Variants in SHC1 observed in about 807,000 individuals in gnomAD.
SHC1 encodes SHC adaptor protein 1, also known as SHC-transforming protein 1.
A neutral mutation model predicts 55.9 loss-of-function variants in SHC1; 30 were observed. That is an observed-to-expected ratio of 0.54 (90% CI 0.40 to 0.73). The LOEUF (loss-of-function observed/expected upper bound fraction) is 0.73, where lower values mean the gene tolerates loss of function less well. Ranked by LOEUF, SHC1 falls within the 30% of genes least tolerant of loss-of-function variation. The pLI is 0.00. For missense variants in SHC1, 675 were observed against 777.1 expected (o/e 0.87, Z 1.56); for synonymous variants, 309 against 306.1 (o/e 1.01, Z -0.10).
intron 11 of SHC1, among the ~76,000 whole-genome samples, chr1:154,965,021 G>A (rs1268950807): frequency 2.0e-5 from 3 of 152,056 alleles, no homozygotes; most frequent in South Asian, 4.1e-4. Context: ...ATTTGAGGAC[G>A]GGCCAGGACT....
intron 2 of SHC1, 100 bp from the exon 3 acceptor site, chr1:154,968,934 C>T: frequency 1.0e-6 from 1 of 991,806 alleles, no homozygotes; most frequent in South Asian, 1.3e-5. Context: ...AGGCCAGACT[C>T]CCAGGGCACT....
intron 11 of SHC1, chr1:154,964,187 C>G (rs1179061854): frequency 1.7e-6 from 1 of 582,166 alleles, no homozygotes; most frequent in Non-Finnish European, 3.4e-6. Flanking sequence ...GCTATATACC[C>G]CTTTCTTGAC....
chr1:154,967,843 G>A (rs777349359), intron 6 of SHC1, 46 bp from the exon 7 acceptor site: 2 of 1,610,362 alleles, frequency 1.2e-6, no homozygotes, highest in East Asian at 2.2e-5. Flanking sequence ...CCACTGGGAG[G>A]AGGCACAGAC....
At chr1:154,969,996 G>A (rs1012656158) in intron 1 of SHC1, 36 bp downstream of exon 1, 1 of 1,610,060 alleles carries the variant, frequency 6.2e-7, no homozygotes, top group South Asian at 1.1e-5. Flanking sequence ...ACTGGAGGGG[G>A]TCTGCGGGGG....
At chr1:154,964,048 G>A (rs762749546) in intron 11 of SHC1, 117 bp from the exon 12 acceptor site, 1 of 1,065,222 alleles carries the variant, frequency 9.4e-7, no homozygotes, top group Admixed American at 1.7e-5. Flanking sequence ...AAAAAATGGT[G>A]GGGGAGAGTG....
rs115641580 is a variant in SHC1 at position 154,970,435 on chromosome 1, G to A, written c.92C>T (p.Pro31Leu). Residue 31 changes from proline (P) to leucine (L), a missense_variant, in exon 1 of 12, where the codon CCG becomes CTG. Physicochemically the swap from Pro to Leu is moderately conservative, Grantham distance 98 (BLOSUM62 -3). This residue lies in a region of SHC1 where 156 missense variants were observed against 159.1 expected (regional missense o/e 0.98). Transcript: ENST00000448116. This position sits in a 1 kb window ranked among gnomAD's most constrained non-coding sequence, Gnocchi z 5.5. ...LEEGASGSTP[P>L]EELPSPSASS... The stretch of plus-strand genomic sequence containing the variant: ...AGCTGATGGGGAAGGCAGCTCCTCC[G>A]GGGGGGTGGACCCAGAAGCCCCTTC... 3,478 of 1,604,852 alleles carry A rather than the reference G, an allele frequency of 2.2e-3. 5 individuals carry two copies. Among genetic ancestry groups the A allele is most frequent in the Non-Finnish European group, 2.6e-3 (3,088 of 1,175,774 alleles).
intron 4 of SHC1, 25 bp from the exon 5 acceptor site, chr1:154,968,282 G>C (rs1377571433): frequency 4.3e-6 from 7 of 1,612,588 alleles, no homozygotes; most frequent in Non-Finnish European, 5.9e-6. Context: ...AGGGGATGAA[G>C]AAGGAAGGGA....
At position 154,965,750 on chromosome 1, in the gene SHC1, T is replaced by C; in HGVS notation, c.1419A>G (p.Pro473=). 1 of 1,612,650 alleles carries C rather than the reference T, an allele frequency of 6.2e-7. No individual in the cohort carries two copies. Among genetic ancestry groups the C allele is most frequent in the Non-Finnish European group, 8.5e-7 (1 of 1,179,524 alleles). ...KPFEDALRVP[P]PPQSVSMAEQ... ...CAGCCATGGACACCGACTGGGGAGG[T>C]GGAGGCACGCGAAGAGCATCTTCGA... is the stretch of plus-strand genomic sequence containing the variant. Residue 473 remains proline, a synonymous_variant, in exon 11 of 12, where the codon CCA becomes CCG. Transcript: ENST00000448116.
chr1:154,974,069 G>A (rs546189651), upstream of SHC1, among the ~76,000 whole-genome samples: 67 of 152,072 alleles, frequency 4.4e-4, no homozygotes, highest in African/African-American at 1.2e-3. Flanking sequence ...TGGGGTCGGA[G>A]ACAAAAAATA....
Position 154,963,688 on chromosome 1 carries a change from C to A in SHC1, c.*115G>T. 8.9e-7 allele frequency: 1 copy of A among 1,128,372 alleles called. No homozygotes were observed. Among genetic ancestry groups the A allele is most frequent in the South Asian group, 1.4e-5 (1 of 69,000 alleles). The allele number at this position is 1,128,372 out of a possible 1,614,324, so 69.9% of individuals were successfully genotyped here. A position where few individuals can be genotyped will look rare whatever the true frequency, so the allele number is the denominator to read the frequency against. On this transcript the variant is annotated 3_prime_UTR_variant, in exon 12 of 12. Coordinates refer to ENST00000448116, the MANE Select transcript of SHC1 (RefSeq NM_001130040.2). ...TATGAAACCCAGAGTCCATGCTACTCCCAGCTCTGACACAAGGCCAAGCCC... is the reference window on the plus strand; with the variant it reads ...TATGAAACCCAGAGTCCATGCTACTACCAGCTCTGACACAAGGCCAAGCCC...
At chr1:154,964,057 T>A (rs767091390) in intron 11 of SHC1, 126 bp from the exon 12 acceptor site, 4 of 960,298 alleles carry the variant, frequency 4.2e-6, no homozygotes, top group African/African-American at 3.2e-5. Context: ...TGGGGGAGAG[T>A]GTGGCCTGTC....
chr1:154,966,349 G>A lies in SHC1; in HGVS notation c.1152C>T (p.Ala384=). The change falls in exon 8 of 12, where the codon GCC becomes GCT. Residue 384 remains alanine, a synonymous_variant. Coordinates refer to ENST00000448116, the MANE Select transcript of SHC1 (RefSeq NM_001130040.2). The part of the protein sequence containing the change: ...PGAARPTAPN[A]QTPSHLGATL... ...TAGCTCCCAAGTGGCTGGGGGTCTG[G>A]GCATTGGGTGCAGTGGGTCGAGCAG... is the stretch of plus-strand genomic sequence containing the variant. The A allele has an allele frequency of 6.2e-7, 1 of 1,614,132 alleles. No homozygotes were observed. The highest frequency in any genetic ancestry group is 8.5e-7 in the Non-Finnish European group (1 of 1,179,972).
Position 154,968,799 on chromosome 1 carries a change from C to G in SHC1, c.602G>C (p.Gly201Ala). 2 of 1,614,048 alleles carry G rather than the reference C, an allele frequency of 1.2e-6. No individual in the cohort carries two copies. Among genetic ancestry groups the G allele is most frequent in the Non-Finnish European group, 1.7e-6 (2 of 1,179,984 alleles). The change falls in exon 3 of 12, where the codon GGT becomes GCT. Residue 201 changes from glycine (G) to alanine (A), a missense_variant. This residue lies in a region of SHC1 where 159 missense variants were observed against 246.9 expected (regional missense o/e 0.64). Transcript: ENST00000448116. ...TCTCCTCCTTGTCGCCCCCTTAGCA[C>G]CCGGCACAGCCTCACACACCAGACT... ...AISLVCEAVP[G>A]AKGATRRRKP...
rs1036839117 is a variant in SHC1 at position 154,964,099 on chromosome 1, G to C, written c.1627-168C>G. Reference sequence around the variant, plus strand: ...GATCATTGAGGCTTCTCTAGAAAGAGACAGTTGTAGGAATAGACAGGTCAG... The same window carrying C: ...GATCATTGAGGCTTCTCTAGAAAGACACAGTTGTAGGAATAGACAGGTCAG... On this transcript the variant is annotated intron_variant, in intron 11 of 11. Transcript: ENST00000448116. 3 of 790,328 alleles carry C rather than the reference G, an allele frequency of 3.8e-6. No individual in the cohort carries two copies. The African/African-American group carries it at 5.1e-5, about 13-fold the overall frequency. The allele number at this position is 790,328 out of a possible 1,614,324, so 49.0% of individuals were successfully genotyped here. A position where few individuals can be genotyped will look rare whatever the true frequency, so the allele number is the denominator to read the frequency against.
In SHC1 at chr1:154,970,201, T is replaced by C. The variant is rs1393697149; in HGVS notation, c.326A>G (p.Gln109Arg). The change falls in exon 1 of 12, where the codon CAG (glutamine) becomes CGG (arginine). Residue 109 changes from glutamine (Q) to arginine (R), a missense_variant. Physicochemically the swap from Gln to Arg is conservative, Grantham distance 43. Around this residue, in one of 3 missense-constraint regions of SHC1, gnomAD observed 156 missense variants for 159.1 expected, o/e 0.98. Transcript: ENST00000448116. This position sits in a 1 kb window ranked among gnomAD's most constrained non-coding sequence, Gnocchi z 5.5. ...MPDSGPLPLL[Q>R]DMNKLSGGGG... ...GCCTCCACTCAGCTTGTTCATGTCC[T>C]GGAGGAGGGGTAGGGGGCCTGAGTC... The C allele has an allele frequency of 1.9e-6, 3 of 1,613,660 alleles. No individual in the cohort carries two copies. The highest frequency in any genetic ancestry group is 2.5e-6 in the Non-Finnish European group (3 of 1,179,944).
intron 11 of SHC1, 127 bp from the exon 12 acceptor site, chr1:154,964,058 G>A: frequency 1.0e-6 from 1 of 952,630 alleles, no homozygotes; most frequent in Non-Finnish European, 1.7e-6. Context: ...GGGGGAGAGT[G>A]TGGCCTGTCA....
chr1:154,968,252 G>C lies in SHC1; in HGVS notation c.756C>G (p.Ile252Met), dbSNP rs143882709. The change falls in exon 5 of 12, where the codon ATC becomes ATG. Residue 252 changes from isoleucine (I) to methionine (M), a missense_variant. Transcript: ENST00000448116. The stretch of plus-strand genomic sequence containing the variant: ...AGATAGATTGCATGTGGTGGTTGGC[G>C]ATGATCTGAGAATTAGGGCAGGGGA... ...NLMAADCKQI[I>M]ANHHMQSISF... is the part of the protein sequence containing the mutation. The C allele has an allele frequency of 6.2e-7, 1 of 1,614,118 alleles. No homozygotes were observed. Among genetic ancestry groups the C allele is most frequent in the South Asian group, 1.1e-5 (1 of 91,074 alleles).
In SHC1 at chr1:154,963,674, G is replaced by C; in HGVS notation, c.*129C>G. On this transcript the variant is annotated 3_prime_UTR_variant, in exon 12 of 12. Transcript: ENST00000448116. ...CTCACTCAGCTGGATATGAAACCCA[G>C]AGTCCATGCTACTCCCAGCTCTGAC... 1.1e-6 allele frequency: 1 copy of C among 904,590 alleles called. No individual in the cohort carries two copies. The highest frequency in any genetic ancestry group is 1.7e-6 in the Non-Finnish European group (1 of 591,562). The allele number at this position is 904,590 out of a possible 1,614,324, so 56.0% of individuals were successfully genotyped here. A position where few individuals can be genotyped will look rare whatever the true frequency, so the allele number is the denominator to read the frequency against.
Position 154,965,738 on chromosome 1 carries a change from C to A in SHC1, c.1431G>T (p.Ser477=), listed in dbSNP as rs61751623. ...DALRVPPPPQ[S]VSMAEQLRGE... is the part of the protein sequence containing the mutation. ...CTCGGAGCTGCTCAGCCATGGACAC[C>A]GACTGGGGAGGTGGAGGCACGCGAA... Residue 477 remains serine (S), a synonymous_variant, in exon 11 of 12, where the codon TCG becomes TCT. Transcript: ENST00000448116. 1 of 1,613,984 alleles carries A rather than the reference C, an allele frequency of 6.2e-7. No homozygotes were observed. Among genetic ancestry groups the A allele is most frequent in the South Asian group, 1.1e-5 (1 of 91,080 alleles).
Sources: gnomAD v4.1 joint callset for allele counts (sites outside exome capture counted in the v4.1 genomes callset) on GRCh38, gnomAD v4.1.1 for gene constraint, gnomAD v4.1.1 regional missense constraint, Gnocchi (gnomAD v3.1) non-coding constraint, MANE v1.5 for transcripts, NCBI Gene and HGNC (gene_info 2026-07-23, HGNC 2026-07-21) for gene names.